Variants in DYM observed in about 807,000 individuals in gnomAD.
DYM encodes dymeclin.
DYM carries 78 observed loss-of-function variants against 93.1 expected under a neutral mutation model. The observed-to-expected ratio is 0.84, with a 90% CI of 0.70 to 1.01. The LOEUF (loss-of-function observed/expected upper bound fraction) is 1.01, where lower values mean the gene tolerates loss of function less well. DYM is among the 50% of genes least tolerant of loss of function. The pLI, the probability that DYM is intolerant of heterozygous loss-of-function variation, is 0.00. For synonymous variants in DYM, 321 were observed against 319.7 expected, an observed-to-expected ratio of 1.00 and a Z score of -0.04; for missense variants, 789 against 845.0, an observed-to-expected ratio of 0.93 and a Z score of 0.82.
chr18:49,387,175 C>G (rs1184713426), intron 3 of DYM, among the ~76,000 whole-genome samples: 1 of 152,078 alleles, frequency 6.6e-6, no homozygotes, highest in Non-Finnish European at 1.5e-5. Flanking sequence ...CCGCCTTGGC[C>G]TCCCAAAGTG....
intron 8 of DYM, among the ~76,000 whole-genome samples, chr18:49,289,404 T>TAAAAAAAAAAAAAAAAAAAAAAA (rs56240607): frequency 9.0e-5 from 3 of 33,508 alleles, no homozygotes; most frequent in African/African-American, 3.7e-4. Flanking sequence ...TACAAATCAG[T>TAAAAAAAAAAAAAAAAAAAAAAA]AAAAAAAAAA....
intron 8 of DYM, among the ~76,000 whole-genome samples, chr18:49,304,589 C>G (rs2061159691): frequency 6.6e-6 from 1 of 152,156 alleles, no homozygotes; most frequent in South Asian, 2.1e-4. Flanking sequence ...ATGGTGACCT[C>G]TTAGTTCTCT....
rs572959835 is a variant in DYM at position 49,291,624 on chromosome 18, G to C, written c.764-5008C>G. ...AGGATCAGCAAGAAGAGGTTTTTCT[G>C]TTTTGTTTTTTAATACAGGAAGGAT... On this transcript the variant is annotated intron_variant, in intron 8 of 17. Transcript: ENST00000675505. Among the ~76,000 whole-genome samples the C allele has an allele frequency of 3.9e-5, 6 of 152,174 alleles. No homozygotes were observed. The East Asian group carries it at 9.7e-4, about 24-fold the overall frequency.
At chr18:49,075,789 TTACTC>T (rs1027501998) in intron 17 of DYM, among the ~76,000 whole-genome samples, 25 of 152,230 alleles carry the variant, frequency 1.6e-4, no homozygotes, top group African/African-American at 5.8e-4. Flanking sequence ...AAAAGACTGT[TTACTC>T]TGTTTTGTAG....
chr18:49,078,634 A>C (rs893506073), intron 17 of DYM, among the ~76,000 whole-genome samples: 1 of 152,194 alleles, frequency 6.6e-6, no homozygotes, highest in South Asian at 2.1e-4. Context: ...TCTAGGTCAG[A>C]AATATCAAGA....
chr18:49,371,433 A>C (rs2067034324), intron 5 of DYM, among the ~76,000 whole-genome samples: 1 of 152,190 alleles, frequency 6.6e-6, no homozygotes, highest in Non-Finnish European at 1.5e-5. Context: ...TGACTGTGCC[A>C]CTGCACTCTA....
At chr18:49,384,648 C>A (rs563689685) in intron 3 of DYM, among the ~76,000 whole-genome samples, 3 of 148,054 alleles carry the variant, frequency 2.0e-5, no homozygotes, top group South Asian at 4.3e-4. Flanking sequence ...AAGAAGAGAG[C>A]AGCCTGACAT....
At chr18:49,249,647 C>T (rs1034461817) in intron 13 of DYM, among the ~76,000 whole-genome samples, 7 of 151,684 alleles carry the variant, frequency 4.6e-5, no homozygotes, top group Admixed American at 1.3e-4. Context: ...AGTTCAACAA[C>T]CAACTTCTGT....
chr18:49,260,296 C>T (rs1568123303), intron 11 of DYM, among the ~76,000 whole-genome samples: 2 of 152,172 alleles, frequency 1.3e-5, no homozygotes, highest in East Asian at 1.9e-4. Flanking sequence ...GCATGAGAAT[C>T]GCTTGAAGCC....
At chr18:49,049,677 A>T (rs2072129437) in intron 17 of DYM, 1 of 154,388 alleles carries the variant, frequency 6.5e-6, no homozygotes, top group African/African-American at 2.4e-5. Flanking sequence ...GGATGCTCTT[A>T]TAATGTTCTG....
At chr18:49,152,956 G>T (rs796071483) in intron 15 of DYM, among the ~76,000 whole-genome samples, 1 of 152,194 alleles carries the variant, frequency 6.6e-6, no homozygotes. Flanking sequence ...TGGTTGCCAG[G>T]GGGTGGGGGA....
intron 14 of DYM, among the ~76,000 whole-genome samples, chr18:49,176,869 C>G (rs1167619702): frequency 1.3e-5 from 2 of 152,024 alleles, no homozygotes; most frequent in Non-Finnish European, 2.9e-5. Context: ...ATAAACTAAA[C>G]TACGATGAAA....
chr18:49,154,341 T>C (rs2086145211), intron 15 of DYM, among the ~76,000 whole-genome samples: 1 of 152,172 alleles, frequency 6.6e-6, no homozygotes, highest in South Asian at 2.1e-4. Context: ...AAATGTTACA[T>C]GATCATGTAA....
chr18:49,195,644 C>A (rs149395502), intron 14 of DYM, among the ~76,000 whole-genome samples: 1 of 152,292 alleles, frequency 6.6e-6, no homozygotes, highest in African/African-American at 2.4e-5. Flanking sequence ...ACTATAGATA[C>A]AACCACAAGA....
rs1028865044 is a variant in DYM, at chr18:49,236,793, G to A, written c.1460+20217C>T. ...AGAACTCCCAGCCTCTGAGGTAGAG[G>A]ATGAAAACAACATGCACGCGAGAGT... On this transcript the variant is annotated intron_variant, in intron 13 of 17. Coordinates refer to ENST00000675505, the MANE Select transcript of DYM (RefSeq NM_001353214.3). Among the ~76,000 whole-genome samples, 4 of 152,318 alleles carry A rather than the reference G, an allele frequency of 2.6e-5. No homozygotes were observed. The East Asian group carries it at 5.8e-4, about 22-fold the overall frequency.
Position 49,390,196 on chromosome 18 carries a change from GA to G in DYM, c.193+1396del, listed in dbSNP as rs142730547. On this transcript the variant is annotated intron_variant, in intron 3 of 17. Coordinates refer to ENST00000675505, the MANE Select transcript of DYM (RefSeq NM_001353214.3). ...CCAACACTTTGGGGGTCCAAGGTAGGAGGAGGAAGGCTTGCGGCCAGGAGCC... is the reference window on the plus strand; with the variant it reads ...CCAACACTTTGGGGGTCCAAGGTAGGGGAGGAAGGCTTGCGGCCAGGAGCC... Among the ~76,000 whole-genome samples the G allele has an allele frequency of 3.2e-4, 48 of 152,342 alleles. 1 individual carries two copies. In the East Asian group the frequency reaches 7.5e-3, roughly 24 times the overall value.
At chr18:49,093,670 G>A (rs1300567040) in intron 17 of DYM, among the ~76,000 whole-genome samples, 1 of 152,130 alleles carries the variant, frequency 6.6e-6, no homozygotes, top group East Asian at 1.9e-4. Flanking sequence ...GTGTGGATGT[G>A]TGGGGAGGCA....
At chr18:49,432,638 C>CTTTTTTTTTGTTTTTTTTTTTTTT in intron 1 of DYM, among the ~76,000 whole-genome samples, 1 of 139,976 alleles carries the variant, frequency 7.1e-6, no homozygotes. Context: ...CAGGGCCTCA[C>CTTTTTTTTTGTTTTTTTTTTTTTT]TCTGTTGCTG....
At chr18:49,157,852 G>A (rs975934450) in intron 15 of DYM, among the ~76,000 whole-genome samples, 8 of 152,138 alleles carry the variant, frequency 5.3e-5, no homozygotes, top group Middle Eastern at 3.2e-3. Flanking sequence ...AGTCATGAAG[G>A]TTTAATCATA....
Sources: gnomAD v4.1 joint callset for allele counts (sites outside exome capture counted in the v4.1 genomes callset) on GRCh38, gnomAD v4.1.1 for gene constraint, MANE v1.5 for transcripts, NCBI Gene and HGNC (gene_info 2026-07-23, HGNC 2026-07-21) for gene names.